The following PCDHGA7 variants were observed in gnomAD, a reference collection of about 807,000 sequenced individuals.
PCDHGA7 encodes protocadherin gamma subfamily A, 7.
Under a neutral mutation model 58.3 loss-of-function variants are expected in PCDHGA7, and 44 were observed. The ratio of observed to expected loss-of-function variants is 0.75; its 90% CI spans 0.59 to 0.97. PCDHGA7 has a LOEUF of 0.97. Ranked by LOEUF, PCDHGA7 falls within the 50% of genes least tolerant of loss-of-function variation. PCDHGA7 has a pLI of 0.00. For missense variants in PCDHGA7, 1,266 were observed against 1,188.7 expected (o/e 1.06, Z -0.96); for synonymous variants, 516 against 504.2 (o/e 1.02, Z -0.31).
At chr5:141,409,163 G>A in intron 1 of PCDHGA7, 1 of 1,614,026 alleles carries the variant, frequency 6.2e-7, no homozygotes. Context: ...GGAAGTGGAA[G>A]CGAAGGACGG....
chr5:141,403,242 C>A, intron 1 of PCDHGA7: 1 of 1,613,932 alleles, frequency 6.2e-7, no homozygotes, highest in Non-Finnish European at 8.5e-7. Flanking sequence ...GAGCTCTGTG[C>A]TCAGAGCCCG....
In PCDHGA7 at chr5:141,385,119, T is replaced by C; in HGVS notation, c.2220T>C (p.Phe740=). 1.2e-6 allele frequency: 2 copies of C among 1,614,212 alleles called. No individual in the cohort carries two copies. Among genetic ancestry groups the C allele is most frequent in the South Asian group, 2.2e-5 (2 of 91,092 alleles). Residue 740 remains phenylalanine, a synonymous_variant, in exon 1 of 4, where the codon TTT becomes TTC. Transcript: ENST00000518325. ...TGGCGAACGTGCCCACCTCGCACTT[T>C]GTGGGCATGGACGGGGTGCAGGCTT... is the stretch of plus-strand genomic sequence containing the variant. ...GGLANVPTSH[F]VGMDGVQAFL... is the part of the protein sequence containing the mutation.
At chr5:141,420,223 G>A in intron 1 of PCDHGA7, 2 of 1,604,640 alleles carry the variant, frequency 1.2e-6, no homozygotes, top group Non-Finnish European at 1.7e-6. Context: ...GCATGCTACT[G>A]GCTAGCATTT....
intron 1 of PCDHGA7, chr5:141,417,766 C>G: frequency 6.9e-7 from 1 of 1,442,472 alleles, no homozygotes; most frequent in Non-Finnish European, 9.1e-7. Flanking sequence ...AGACCCGGGA[C>G]TCCTCCTGTC....
chr5:141,505,602 A>G lies in PCDHGA7; in HGVS notation c.2572+121A>G, dbSNP rs1041288927. 4.6e-5 allele frequency: 71 copies of G among 1,534,990 alleles called. 1 individual carries two copies. In the Admixed American group the frequency reaches 1.4e-3, roughly 30 times the overall value. On this transcript the variant is annotated intron_variant, in intron 3 of 3. Coordinates refer to ENST00000518325, the MANE Select transcript of PCDHGA7 (RefSeq NM_018920.4). ...GTGTAGTTTCTCCAGATCTTTCGGC[A>G]GGTCTGAAAGGACCCACAATTCCAA...
rs143252334 is a variant in PCDHGA7 at position 141,431,395 on chromosome 5, T to A, written c.2424+46072T>A. On this transcript the variant is annotated intron_variant, in intron 1 of 3. Transcript: ENST00000518325. The surrounding 1 kb of genome is among the most constrained non-coding windows in gnomAD (Gnocchi z 4.8). ...AAAAGGCTGCTCACCACCTGGTCCT[T>A]ACGGCCTCCGACGGGGGCGACCCGG... 2 of 1,613,720 alleles carry A rather than the reference T, an allele frequency of 1.2e-6. No individual in the cohort carries two copies. Among genetic ancestry groups the A allele is most frequent in the African/African-American group, 2.7e-5 (2 of 74,950 alleles).
rs1441791773 is a variant in PCDHGA7, at chr5:141,486,038, G to A, written c.2425-8769G>A. The A allele has an allele frequency of 1.9e-6, 3 of 1,614,066 alleles. No individual in the cohort carries two copies. The highest frequency in any genetic ancestry group is 1.1e-5 in the South Asian group (1 of 91,088). On this transcript the variant is annotated intron_variant, in intron 1 of 3. Coordinates refer to ENST00000518325, the MANE Select transcript of PCDHGA7 (RefSeq NM_018920.4). The surrounding 1 kb of genome is among the most constrained non-coding windows in gnomAD (Gnocchi z 5.0). ...TTTCAGTGGTCATACCCCTGATCGT[G>A]TAAGAAACCTCTTTAGCCTGCACCC...
rs765887978 is a variant in PCDHGA7 at position 141,486,476 on chromosome 5, C to T, written c.2425-8331C>T. The T allele has an allele frequency of 8.7e-6, 14 of 1,613,934 alleles. No homozygotes were observed. The highest frequency in any genetic ancestry group is 1.7e-5 in the Admixed American group (1 of 60,016). ...TGCTTCTGATGCTGGGAACCCTCCT[C>T]TCAGTACCCACAGAACTATTTTCCT... On this transcript the variant is annotated intron_variant, in intron 1 of 3. Transcript: ENST00000518325. This position sits in a 1 kb window ranked among gnomAD's most constrained non-coding sequence, Gnocchi z 5.0.
At chr5:141,399,002 C>G in intron 1 of PCDHGA7, 6 of 1,613,830 alleles carry the variant, frequency 3.7e-6, no homozygotes, top group Non-Finnish European at 4.2e-6. Context: ...AGTCTGAATT[C>G]AAAGAGCGGA....
intron 1 of PCDHGA7, chr5:141,422,556 G>A: frequency 6.2e-7 from 1 of 1,613,908 alleles, no homozygotes; most frequent in Non-Finnish European, 8.5e-7. Flanking sequence ...GGCTGAATGT[G>A]GCAGATGACA....
At position 141,486,478 on chromosome 5, in the gene PCDHGA7, C is replaced by T; in HGVS notation, c.2425-8329C>T. The T allele has an allele frequency of 2.5e-6, 4 of 1,614,026 alleles. No homozygotes were observed. The highest frequency in any genetic ancestry group is 3.4e-6 in the Non-Finnish European group (4 of 1,179,854). On this transcript the variant is annotated intron_variant, in intron 1 of 3. Transcript: ENST00000518325. The surrounding 1 kb of genome is among the most constrained non-coding windows in gnomAD (Gnocchi z 5.0). ...CTTCTGATGCTGGGAACCCTCCTCT[C>T]AGTACCCACAGAACTATTTTCCTCA...
chr5:141,398,861 A>G, intron 1 of PCDHGA7: 1 of 1,613,990 alleles, frequency 6.2e-7, no homozygotes, highest in South Asian at 1.1e-5. Flanking sequence ...TTCAACCGAG[A>G]CGTGTACAGA....
At chr5:141,445,553 A>G (rs948468877) in intron 1 of PCDHGA7, among the ~76,000 whole-genome samples, 1 of 152,252 alleles carries the variant, frequency 6.6e-6, no homozygotes, top group Non-Finnish European at 1.5e-5. Context: ...ATACAAAAGC[A>G]CTAAGAGAAA....
chr5:141,404,132 T>C, intron 1 of PCDHGA7: 1 of 1,613,136 alleles, frequency 6.2e-7, no homozygotes, highest in Non-Finnish European at 8.5e-7. Context: ...ATCTTTTACA[T>C]TAGAAAATTC....
chr5:141,415,815 A>G, intron 1 of PCDHGA7: 1 of 1,337,656 alleles, frequency 7.5e-7, no homozygotes, highest in East Asian at 2.7e-5. Context: ...AGGCCTATAT[A>G]TCATAAGGCT....
chr5:141,405,407 C>CT lies in PCDHGA7; in HGVS notation c.2424+20091dup, dbSNP rs762612492. 13 of 1,582,050 alleles carry CT rather than the reference C, an allele frequency of 8.2e-6. No individual in the cohort carries two copies. In the East Asian group the frequency reaches 1.6e-4, roughly 19 times the overall value. On this transcript the variant is annotated intron_variant, in intron 1 of 3. Transcript: ENST00000518325. Reference sequence around the variant, plus strand: ...TTCATTTTTTTTCTTTCTTTCTTTTCTTTTTTTGTTTTTTGTTTTGTTTTG... The same window carrying CT: ...TTCATTTTTTTTCTTTCTTTCTTTTCTTTTTTTTGTTTTTTGTTTTGTTTTG...
intron 1 of PCDHGA7, chr5:141,423,752 G>GC: frequency 1.6e-6 from 1 of 644,956 alleles, no homozygotes; most frequent in East Asian, 1.1e-4. Context: ...AAACTGTTTG[G>GC]GGGGGGGGTG....
chr5:141,393,771 C>G (rs1207407733), intron 1 of PCDHGA7: 4 of 1,613,874 alleles, frequency 2.5e-6, no homozygotes, highest in Non-Finnish European at 3.4e-6. Context: ...AATGGAAATA[C>G]AAGCCGAAGA....
intron 1 of PCDHGA7, chr5:141,408,586 C>G: frequency 6.2e-7 from 1 of 1,613,976 alleles, no homozygotes; most frequent in Non-Finnish European, 8.5e-7. Context: ...ATGTTAATGA[C>G]CACGCCCCTC....
Sources: allele counts gnomAD v4.1 joint callset (sites outside exome capture counted in the v4.1 genomes callset), GRCh38; gene constraint gnomAD v4.1.1; non-coding constraint Gnocchi (gnomAD v3.1); transcripts MANE v1.5; gene names NCBI Gene and HGNC (gene_info 2026-07-23, HGNC 2026-07-21).